Variants in ST7L observed in about 807,000 individuals in gnomAD.
The protein encoded by ST7L is suppression of tumorigenicity 7 like, also known as suppressor of tumorigenicity 7 protein-like.
A neutral mutation model predicts 72.5 loss-of-function variants in ST7L; 57 were observed. The ratio of observed to expected loss-of-function variants is 0.79; its 90% confidence interval spans 0.64 to 0.98. The LOEUF (loss-of-function observed/expected upper bound fraction) is 0.98. Among genes scored for constraint, ST7L ranks in the 50% least tolerant of loss-of-function variants. The pLI is 0.00. For synonymous variants in ST7L, 221 were observed against 240.9 expected, an observed-to-expected ratio of 0.92 and a Z score of 0.77; for missense variants, 576 against 672.2, an observed-to-expected ratio of 0.86 and a Z score of 1.58.
intron 11 of ST7L, among the ~76,000 whole-genome samples, chr1:112,567,789 A>C (rs1243642917): frequency 6.8e-6 from 1 of 147,900 alleles, no homozygotes; most frequent in Non-Finnish European, 1.5e-5. Flanking sequence ...CATATATGAC[A>C]GTATATATGT....
chr1:112,599,755 G>A (rs1667113106), intron 4 of ST7L, among the ~76,000 whole-genome samples: 1 of 152,090 alleles, frequency 6.6e-6, no homozygotes, highest in Non-Finnish European at 1.5e-5. Flanking sequence ...TTTGAAAAAG[G>A]CTTTTTATAA....
At chr1:112,538,963 G>A (rs916359414) in intron 14 of ST7L, among the ~76,000 whole-genome samples, 16 of 152,290 alleles carry the variant, frequency 1.1e-4, no homozygotes, top group Middle Eastern at 3.4e-3. Context: ...TAACTAACCC[G>A]AGGTTGTACA....
chr1:112,550,567 T>C, intron 13 of ST7L, 34 bp downstream of exon 13: 1 of 1,512,060 alleles, frequency 6.6e-7, no homozygotes, highest in Non-Finnish European at 9.2e-7. Flanking sequence ...AACTTACTAC[T>C]TTTAAGTTTA....
rs1205820231 is a variant in ST7L, at chr1:112,582,467, C to G, written c.862G>C (p.Asp288His). Reference sequence around the variant, plus strand: ...TTAATATATACCAGTACATTGGTATCTCTCCCTATTTAGAAAAACAAAAAA... The same window carrying G: ...TTAATATATACCAGTACATTGGTATGTCTCCCTATTTAGAAAAACAAAAAA... ...SPQHEAQLRR[D>H]TNVLVYIKRR... The change falls in exon 8 of 15, where the codon GAT becomes CAT. Residue 288 changes from aspartate to histidine, a missense_variant. Around this residue, in one of 3 missense-constraint regions of ST7L, gnomAD observed 511 missense variants for 600.7 expected, o/e 0.85. Transcript: ENST00000358039. 2 of 1,585,698 alleles carry G rather than the reference C, an allele frequency of 1.3e-6. No individual in the cohort carries two copies. Among genetic ancestry groups the G allele is most frequent in the Non-Finnish European group, 1.7e-6 (2 of 1,162,192 alleles).
At chr1:112,584,225 A>C in intron 6 of ST7L, 99 bp from the exon 7 acceptor site, 4 of 1,208,114 alleles carry the variant, frequency 3.3e-6, no homozygotes, top group East Asian at 2.8e-5. Context: ...CCTTACCTAC[A>C]CTTTTTCCAT....
intron 2 of ST7L, among the ~76,000 whole-genome samples, chr1:112,614,033 A>G (rs72982599): frequency 0.031 from 4,705 of 152,184 alleles, 264 homozygotes; most frequent in African/African-American, 0.11. Context: ...CCTGGCCACA[A>G]AAAGTTTTTT....
At chr1:112,591,424 T>G in intron 6 of ST7L, 101 bp downstream of exon 6, 1 of 921,472 alleles carries the variant, frequency 1.1e-6, no homozygotes, top group Non-Finnish European at 1.6e-6. Context: ...AGGAAATGAC[T>G]AATGACTCCA....
At chr1:112,602,256 G>A (rs1667537562) in intron 3 of ST7L, among the ~76,000 whole-genome samples, 1 of 152,124 alleles carries the variant, frequency 6.6e-6, no homozygotes, top group African/African-American at 2.4e-5. Context: ...CTCAAAGTAT[G>A]ATTCATGGAA....
At position 112,612,688 on chromosome 1, in the gene ST7L, C is replaced by T. The variant is rs571737396; in HGVS notation, c.289-1685G>A. ...CTCTTTCTGCTCACTCTTAAGTTAG[C>T]AAGAATTACCACCAAATGAGGCCAT... On this transcript the variant is annotated intron_variant, in intron 2 of 14. Transcript: ENST00000358039. Among the ~76,000 whole-genome samples, 3 of 152,118 alleles carry T rather than the reference C, an allele frequency of 2.0e-5. No individual in the cohort carries two copies. In the South Asian group the frequency reaches 6.2e-4, roughly 32 times the overall value.
At chr1:112,546,183 G>T (rs1009930964) in intron 13 of ST7L, among the ~76,000 whole-genome samples, 1 of 151,972 alleles carries the variant, frequency 6.6e-6, no homozygotes, top group African/African-American at 2.4e-5. Flanking sequence ...GCCAGGCATG[G>T]TGGCACATGC....
intron 3 of ST7L, among the ~76,000 whole-genome samples, chr1:112,608,370 C>T (rs12565686): frequency 5.8e-4 from 88 of 152,148 alleles, no homozygotes; most frequent in African/African-American, 1.4e-3. Context: ...ATATATTTTG[C>T]GGCCCTCCCT....
upstream of ST7L, chr1:112,619,356 G>T: frequency 3.4e-6 from 2 of 587,534 alleles, no homozygotes; most frequent in South Asian, 2.1e-5. Context: ...ACTGAGATGT[G>T]ACCCCGAAGT....
rs1273886474 is a variant in ST7L, at chr1:112,584,141, A to C, written c.702-15T>G. ...CAGTGGCACAGCTATGAAGAAAGCA[A>C]GAAGGCAATTTTAAATAAAATGGTA... On this transcript the variant is annotated splice_polypyrimidine_tract_variant and intron_variant, in intron 6 of 14. Coordinates refer to ENST00000358039, the MANE Select transcript of ST7L (RefSeq NM_017744.5). The C allele has an allele frequency of 1.9e-6, 3 of 1,606,378 alleles. No individual in the cohort carries two copies. Among genetic ancestry groups the C allele is most frequent in the Non-Finnish European group, 2.5e-6 (3 of 1,177,436 alleles).
At chr1:112,551,136 A>ATTTTT (rs1658060983) in intron 12 of ST7L, among the ~76,000 whole-genome samples, 2 of 119,742 alleles carry the variant, frequency 1.7e-5, no homozygotes, top group African/African-American at 7.2e-5. Context: ...CTATGAGCAG[A>ATTTTT]TCTTTTTTTT....
At chr1:112,609,390 G>A (rs758730635) in intron 3 of ST7L, among the ~76,000 whole-genome samples, 2 of 151,986 alleles carry the variant, frequency 1.3e-5, no homozygotes, top group Admixed American at 6.6e-5. Context: ...AATTAGCTGG[G>A]TGCAGTGGTA....
chr1:112,598,982 C>T lies in ST7L; in HGVS notation c.507-896G>A, dbSNP rs559524304. 2.8e-4 allele frequency among the ~76,000 whole-genome samples: 41 copies of T among 146,656 alleles called. 1 individual carries two copies. In the South Asian group the frequency reaches 3.5e-3, roughly 12 times the overall value. On this transcript the variant is annotated intron_variant, in intron 4 of 14. Transcript: ENST00000358039. Reference sequence around the variant, plus strand: ...GGCTGAGGCAGAAGAATCACTTGAACCCAGGAGGAGGAGATTGCAGTGAAC... The same window carrying T: ...GGCTGAGGCAGAAGAATCACTTGAATCCAGGAGGAGGAGATTGCAGTGAAC...
chr1:112,553,178 C>G (rs1213703539), intron 12 of ST7L, among the ~76,000 whole-genome samples: 1 of 152,070 alleles, frequency 6.6e-6, no homozygotes, highest in South Asian at 2.1e-4. Flanking sequence ...TTGAATTACT[C>G]AAAGACATTT....
In ST7L at chr1:112,618,996, T is replaced by G; in HGVS notation, c.118A>C (p.Thr40Pro). The G allele has an allele frequency of 6.2e-7, 1 of 1,612,128 alleles. No homozygotes were observed. The highest frequency in any genetic ancestry group is 8.5e-7 in the Non-Finnish European group (1 of 1,179,244). ...GCCACGAACCACAACGAGGCCCCAG[T>G]CCCCGCCAGCCCGGCCCGCAGTCGC... ...RERLRAGLAGTGASLWFVAGL... is the reference protein window; with the variant it reads ...RERLRAGLAGPGASLWFVAGL... The change falls in exon 1 of 15, where the codon ACT (threonine) becomes CCT (proline). Residue 40 changes from threonine (T) to proline (P), a missense_variant. Around this residue, in one of 3 missense-constraint regions of ST7L, gnomAD observed 9 missense variants for 25.6 expected, o/e 0.35. Coordinates refer to ENST00000358039, the MANE Select transcript of ST7L (RefSeq NM_017744.5).
downstream of ST7L, chr1:112,521,373 G>T (rs1171592110): frequency 7.3e-6 from 1 of 137,188 alleles, no homozygotes; most frequent in Non-Finnish European, 1.5e-5. Context: ...CTGGAGGTTT[G>T]CCAGGTTTGG....
Sources: gnomAD v4.1 joint callset for allele counts (sites outside exome capture counted in the v4.1 genomes callset) on GRCh38, gnomAD v4.1.1 for gene constraint, gnomAD v4.1.1 regional missense constraint, MANE v1.5 for transcripts, NCBI Gene and HGNC (gene_info 2026-07-23, HGNC 2026-07-21) for gene names.